Variants in ATAD5 observed in about 807,000 individuals in gnomAD.
ATAD5 encodes the protein ATPase family AAA domain containing 5, also known as ATPase family AAA domain-containing protein 5.
ATAD5 carries 58 observed loss-of-function variants against 176.9 expected under a neutral mutation model. The observed-to-expected ratio is 0.33, with a 90% CI of 0.27 to 0.41. The LOEUF (loss-of-function observed/expected upper bound fraction) is 0.41. Among genes scored for constraint, ATAD5 ranks in the 10% least tolerant of loss-of-function variants. The probability of loss-of-function intolerance (pLI) is 1.00; values close to 1 mark genes in which losing one functional copy is unlikely to be tolerated. For missense variants in ATAD5, 1,789 were observed against 2,094.1 expected, an observed-to-expected ratio of 0.85 and a Z score of 2.84; for synonymous variants, 640 against 712.6, an observed-to-expected ratio of 0.90 and a Z score of 1.62.
At chr17:30,847,844 C>T (rs1320883616) in intron 6 of ATAD5, among the ~76,000 whole-genome samples, 1 of 151,290 alleles carries the variant, frequency 6.6e-6, no homozygotes, top group East Asian at 1.9e-4. Flanking sequence ...CTCAGCCTCC[C>T]GAGTAGCTGG....
chr17:30,857,521 T>C (rs1391756262), intron 8 of ATAD5, among the ~76,000 whole-genome samples: 1 of 152,134 alleles, frequency 6.6e-6, no homozygotes, highest in Non-Finnish European at 1.5e-5. Context: ...CAGCCTAATA[T>C]TTAAAAATAA....
chr17:30,850,899 T>TTTTTTG (rs1567683815), intron 6 of ATAD5, among the ~76,000 whole-genome samples: 4 of 60,336 alleles, frequency 6.6e-5, no homozygotes, highest in Non-Finnish European at 1.0e-4. Context: ...TTTTTTTTTT[T>TTTTTTG]TTTGAGATAG....
intron 12 of ATAD5, among the ~76,000 whole-genome samples, chr17:30,868,659 G>C (rs1410479002): frequency 6.6e-6 from 1 of 150,640 alleles, no homozygotes; most frequent in African/African-American, 2.4e-5. Flanking sequence ...GGCGCCTGCC[G>C]CCACGCCCGA....
At chr17:30,860,074 A>C (rs1907532940) in intron 9 of ATAD5, among the ~76,000 whole-genome samples, 1 of 151,924 alleles carries the variant, frequency 6.6e-6, no homozygotes, top group African/African-American at 2.4e-5. Flanking sequence ...CCCAGGCTAG[A>C]GTACAGTGGT....
At chr17:30,832,489 G>A (rs1905443729) in intron 1 of ATAD5, 76 bp downstream of exon 1, 1 of 1,381,976 alleles carries the variant, frequency 7.2e-7, no homozygotes, top group East Asian at 2.7e-5. Context: ...TTGGCGGAAG[G>A]TGATCCTGAC....
intron 11 of ATAD5, among the ~76,000 whole-genome samples, chr17:30,867,854 C>T (rs976800377): frequency 1.3e-5 from 2 of 152,202 alleles, no homozygotes; most frequent in Non-Finnish European, 2.9e-5. Flanking sequence ...ATTCACCTGC[C>T]TCCGCCTTCC....
intron 14 of ATAD5, among the ~76,000 whole-genome samples, chr17:30,874,525 G>C (rs1327688470): frequency 7.7e-6 from 1 of 129,054 alleles, no homozygotes; most frequent in African/African-American, 2.9e-5. Flanking sequence ...TGGTGACAGA[G>C]TGAGACTCCA....
intron 19 of ATAD5, among the ~76,000 whole-genome samples, chr17:30,888,451 T>C (rs1332764400): frequency 1.3e-5 from 2 of 151,804 alleles, no homozygotes; most frequent in Non-Finnish European, 2.9e-5. Context: ...GGCAGAGATA[T>C]GAGGATCACT....
intron 6 of ATAD5, among the ~76,000 whole-genome samples, chr17:30,848,703 C>G (rs1178952595): frequency 6.6e-6 from 1 of 152,126 alleles, no homozygotes; most frequent in African/African-American, 2.4e-5. Context: ...TAAGTGGCCC[C>G]AACCCAGGCA....
At position 30,895,483 on chromosome 17, in the gene ATAD5, C is replaced by T. The variant is rs2046060335; in HGVS notation, c.*570C>T. ...GCAGTGGCCTGGTATCGGCTCAGTG[C>T]AACTTTTGCCTCCCGGGTTCAAGCG... On this transcript the variant is annotated 3_prime_UTR_variant, in exon 23 of 23. Coordinates refer to ENST00000321990, the MANE Select transcript of ATAD5 (RefSeq NM_024857.5). The T allele has an allele frequency of 6.7e-6, 1 of 148,754 alleles. No individual in the cohort carries two copies. The highest frequency in any genetic ancestry group is 2.5e-5 in the African/African-American group (1 of 40,262). 9.2% of individuals were successfully genotyped at this position (148,754 alleles called of 1,614,324 possible). A position where few individuals can be genotyped will look rare whatever the true frequency, so the allele number is the denominator to read the frequency against.
chr17:30,870,810 AT>A (rs1445575131), intron 14 of ATAD5, among the ~76,000 whole-genome samples: 2 of 151,942 alleles, frequency 1.3e-5, no homozygotes, highest in African/African-American at 4.8e-5. Flanking sequence ...TGTGTTTATT[AT>A]TTCTTTGTTG....
chr17:30,872,906 T>C (rs1036196281), intron 14 of ATAD5, among the ~76,000 whole-genome samples: 3 of 152,208 alleles, frequency 2.0e-5, no homozygotes, highest in East Asian at 1.9e-4. Flanking sequence ...ATGGATTGAC[T>C]TTCCCCTCAC....
intron 7 of ATAD5, among the ~76,000 whole-genome samples, chr17:30,856,089 C>A (rs1445755586): frequency 6.6e-6 from 1 of 152,120 alleles, no homozygotes; most frequent in African/African-American, 2.4e-5. Context: ...TTTTGATAAA[C>A]TCATTTTCAC....
intron 19 of ATAD5, among the ~76,000 whole-genome samples, chr17:30,888,536 TCTGA>T (rs1415898333): frequency 5.9e-5 from 9 of 151,972 alleles, no homozygotes; most frequent in Non-Finnish European, 8.8e-5. Flanking sequence ...AGAGTGAGAC[TCTGA>T]CTAAAAAAAA....
chr17:30,844,314 G>A (rs1383163642), intron 5 of ATAD5, among the ~76,000 whole-genome samples: 3 of 151,814 alleles, frequency 2.0e-5, no homozygotes, highest in East Asian at 1.9e-4. Flanking sequence ...TGTATTTTTA[G>A]TAGAGACGGG....
chr17:30,860,065 C>T (rs1907532411), intron 9 of ATAD5, among the ~76,000 whole-genome samples: 1 of 151,858 alleles, frequency 6.6e-6, no homozygotes, highest in Non-Finnish European at 1.5e-5. Context: ...ACTTTGTCGC[C>T]CAGGCTAGAG....
chr17:30,886,411 TA>T (rs1231304956), intron 18 of ATAD5, among the ~76,000 whole-genome samples: 11 of 149,580 alleles, frequency 7.4e-5, no homozygotes, highest in African/African-American at 2.7e-4. Flanking sequence ...TTTATTTATT[TA>T]TTTTCGAGAC....
rs182945728 is a variant in ATAD5 at position 30,869,524 on chromosome 17, G to A, written c.3485G>A (p.Arg1162His). The part of the protein sequence containing the change: ...KIFEVNASSQ[R>H]SGRQILSQLK... ...TTTGAAGTGAATGCCTCTTCCCAGC[G>A]CAGTGGTAGACAAATTCTATCTCAG... is the stretch of plus-strand genomic sequence containing the variant. Residue 1162 changes from arginine to histidine, a missense_variant, in exon 14 of 23, where the codon CGC becomes CAC. Arg to His is a conservative substitution (Grantham distance 29). Coordinates refer to ENST00000321990, the MANE Select transcript of ATAD5 (RefSeq NM_024857.5). 5 of 1,612,900 alleles carry A rather than the reference G, an allele frequency of 3.1e-6. No homozygotes were observed. The highest frequency in any genetic ancestry group is 3.4e-6 in the Non-Finnish European group (4 of 1,179,802).
At chr17:30,858,093 G>A in intron 8 of ATAD5, 68 bp from the exon 9 acceptor site, 1 of 1,293,052 alleles carries the variant, frequency 7.7e-7, no homozygotes, top group Non-Finnish European at 1.0e-6. Context: ...GAAAGTGGTT[G>A]GTAGTATTGT....
Sources: gnomAD v4.1 joint callset for allele counts (sites outside exome capture counted in the v4.1 genomes callset) on GRCh38, gnomAD v4.1.1 for gene constraint, MANE v1.5 for transcripts, NCBI Gene and HGNC (gene_info 2026-07-23, HGNC 2026-07-21) for gene names.